The following NINL variants were observed in gnomAD, a reference collection of about 807,000 sequenced individuals.
The protein encoded by NINL is ninein-like protein.
A neutral mutation model predicts 160.3 loss-of-function variants in NINL; 153 were observed. The ratio of observed to expected loss-of-function variants is 0.95; its 90% CI spans 0.84 to 1.09. The LOEUF is 1.09. NINL is among the 50% of genes least tolerant of loss of function. The pLI is 0.00. For missense variants in NINL, 1,829 were observed against 1,764.0 expected (o/e 1.04, Z -0.66); for synonymous variants, 800 against 734.8 (o/e 1.09, Z -1.43).
rs757495782 is a variant in NINL, at chr20:25,476,273, C to T, written c.3018G>A (p.Glu1006=). 5 of 1,613,738 alleles carry T rather than the reference C, an allele frequency of 3.1e-6. No individual in the cohort carries two copies. Among genetic ancestry groups the T allele is most frequent in the Non-Finnish European group, 8.5e-7 (1 of 1,179,960 alleles). The stretch of plus-strand genomic sequence containing the variant: ...CCACACTGTGCTTGTGACACCCAGG[C>T]TCCAGGGCGCCCTCGGCCCGGGCCT... ...EQQARAEGAL[E]PGCHKHSVEV... is the part of the protein sequence containing the mutation. Residue 1006 remains glutamate, a synonymous_variant, in exon 17 of 24, where the codon GAG becomes GAA. Transcript: ENST00000278886.
At chr20:25,559,715 T>C (rs1199927955) in intron 1 of NINL, among the ~76,000 whole-genome samples, 2 of 151,300 alleles carry the variant, frequency 1.3e-5, no homozygotes, top group African/African-American at 2.4e-5. Context: ...ATCCTCCTGA[T>C]GCAGCCTCCG....
At chr20:25,496,153 A>G (rs1328347605) in intron 10 of NINL, among the ~76,000 whole-genome samples, 1 of 152,186 alleles carries the variant, frequency 6.6e-6, no homozygotes, top group Non-Finnish European at 1.5e-5. Context: ...CTCAAAAACA[A>G]AAACAAAAAT....
intron 17 of NINL, among the ~76,000 whole-genome samples, chr20:25,471,189 C>T (rs965614617): frequency 2.6e-5 from 4 of 152,026 alleles, no homozygotes; most frequent in East Asian, 1.9e-4. Flanking sequence ...GATGGGGTCT[C>T]GATAGGTTGC....
rs1568871804 is a variant in NINL at position 25,476,695 on chromosome 20, C to T, written c.2596G>A (p.Gly866Ser). 1 of 1,595,232 alleles carries T rather than the reference C, an allele frequency of 6.3e-7. No individual in the cohort carries two copies. Among genetic ancestry groups the T allele is most frequent in the Non-Finnish European group, 8.5e-7 (1 of 1,175,436 alleles). ...CCTGCCGCCTCCTCAGACTCTCTGC[C>T]ATCACCTGGGGCCAGCCAGGCCAGT... ...RPLAWLAPGD[G>S]RESEEAAGAG... The change falls in exon 17 of 24, where the codon GGC becomes AGC. Residue 866 changes from glycine to serine, a missense_variant. Physicochemically the swap from Gly to Ser is moderately conservative, Grantham distance 56. Transcript: ENST00000278886.
intron 1 of NINL, among the ~76,000 whole-genome samples, chr20:25,572,464 T>C (rs1330988846): frequency 6.6e-6 from 1 of 152,150 alleles, no homozygotes; most frequent in East Asian, 1.9e-4. Flanking sequence ...TCTTGAGTGC[T>C]CATCATGTAC....
In NINL at chr20:25,525,352, A is replaced by G. The variant is rs1386148774; in HGVS notation, c.180+1056T>C. Among the ~76,000 whole-genome samples, 3 of 152,304 alleles carry G rather than the reference A, an allele frequency of 2.0e-5. No individual in the cohort carries two copies. In the East Asian group the frequency reaches 5.8e-4, roughly 29 times the overall value. On this transcript the variant is annotated intron_variant, in intron 2 of 23. Transcript: ENST00000278886. ...TTACTGGCTGGGTTTCTTTTCCCCA[A>G]TTCAAAATAAAAATACTGGCTGGGT...
At chr20:25,473,345 C>T (rs2063150502) in intron 17 of NINL, among the ~76,000 whole-genome samples, 1 of 151,918 alleles carries the variant, frequency 6.6e-6, no homozygotes, top group Admixed American at 6.6e-5. Flanking sequence ...TGGTGGCTCA[C>T]ACCTGTAATT....
Position 25,526,286 on chromosome 20 carries a change from C to T in NINL, c.180+122G>A, listed in dbSNP as rs371447. 8.4e-3 allele frequency: 7,416 copies of T among 879,802 alleles called. 294 individuals are homozygous for T. The African/African-American group carries it at 0.09, about 11-fold the overall frequency. 54.5% of individuals were successfully genotyped at this position (879,802 alleles called of 1,614,324 possible). A position where few individuals can be genotyped will look rare whatever the true frequency, so the allele number is the denominator to read the frequency against. The stretch of plus-strand genomic sequence containing the variant: ...TAGAGGGAAAAACTAGGACACTGTT[C>T]CATTTGCTAATAACTTTCCTTTGAC... On this transcript the variant is annotated intron_variant, in intron 2 of 23. Transcript: ENST00000278886.
At chr20:25,478,196 C>T (rs1209669248) in intron 16 of NINL, among the ~76,000 whole-genome samples, 5 of 152,124 alleles carry the variant, frequency 3.3e-5, no homozygotes, top group African/African-American at 7.2e-5. Context: ...GTGATTTACC[C>T]GCCTTGGCCT....
chr20:25,583,066 G>A (rs1231914287), intron 1 of NINL, among the ~76,000 whole-genome samples: 3 of 152,120 alleles, frequency 2.0e-5, no homozygotes, highest in Non-Finnish European at 2.9e-5. Context: ...CAGGACATAG[G>A]CATGGGCAAA....
chr20:25,543,648 C>T (rs2064696636), intron 1 of NINL, among the ~76,000 whole-genome samples: 1 of 152,228 alleles, frequency 6.6e-6, no homozygotes, highest in Admixed American at 6.5e-5. Context: ...CGCAACCAAT[C>T]AGACTGATTG....
rs138777340 is a variant in NINL at position 25,571,957 on chromosome 20, T to A, written c.-12+13498A>T. Among the ~76,000 whole-genome samples, 15 of 151,798 alleles carry A rather than the reference T, an allele frequency of 9.9e-5. No individual in the cohort carries two copies. The East Asian group carries it at 2.9e-3, about 29-fold the overall frequency. Reference sequence around the variant, plus strand: ...AAGGGAAACACATCACGGTATATATTTTCAACAGCACTGAAGCTAACAGGC... The same window carrying A: ...AAGGGAAACACATCACGGTATATATATTCAACAGCACTGAAGCTAACAGGC... On this transcript the variant is annotated intron_variant, in intron 1 of 23. Transcript: ENST00000278886.
intron 8 of NINL, 100 bp downstream of exon 8, chr20:25,500,740 C>T (rs2063850377): frequency 7.4e-7 from 1 of 1,347,852 alleles, no homozygotes; most frequent in South Asian, 1.4e-5. Flanking sequence ...GCACACACCC[C>T]TGCTGGGTCC....
chr20:25,517,717 A>C, intron 3 of NINL, 36 bp downstream of exon 3: 1 of 1,469,260 alleles, frequency 6.8e-7, no homozygotes, highest in Non-Finnish European at 9.3e-7. Flanking sequence ...TTAACAAACA[A>C]ATAATGAAAA....
intron 1 of NINL, among the ~76,000 whole-genome samples, chr20:25,529,216 T>C (rs2064408534): frequency 6.6e-6 from 1 of 152,074 alleles, no homozygotes; most frequent in Admixed American, 6.6e-5. Context: ...AAGGCTACAG[T>C]GAGCCATGAT....
In NINL at chr20:25,453,357, G is replaced by A. The variant is rs2090578437; in HGVS notation, c.*94C>T. 1.8e-6 allele frequency: 2 copies of A among 1,118,860 alleles called. No homozygotes were observed. Among genetic ancestry groups the A allele is most frequent in the African/African-American group, 1.6e-5 (1 of 64,034 alleles). 69.3% of individuals were successfully genotyped at this position (1,118,860 alleles called of 1,614,324 possible). Reference sequence around the variant, plus strand: ...AGAATCCCAATCCTCAGATGTCCCAGGACTCATGGCTCATGACCCACGGAA... The same window carrying A: ...AGAATCCCAATCCTCAGATGTCCCAAGACTCATGGCTCATGACCCACGGAA... On this transcript the variant is annotated 3_prime_UTR_variant, in exon 24 of 24. Coordinates refer to ENST00000278886, the MANE Select transcript of NINL (RefSeq NM_025176.6).
intron 11 of NINL, among the ~76,000 whole-genome samples, chr20:25,490,321 G>T (rs2063598914): frequency 6.6e-6 from 1 of 152,200 alleles, no homozygotes; most frequent in South Asian, 2.1e-4. Context: ...AGCACTTTGG[G>T]AGGCCGAGGC....
chr20:25,455,263 A>C (rs1266785632), intron 23 of NINL, among the ~76,000 whole-genome samples: 5 of 151,790 alleles, frequency 3.3e-5, no homozygotes, highest in Admixed American at 2.0e-4. Context: ...TTCCACCTCT[A>C]TTCTCTCATT....
chr20:25,537,117 C>G (rs1419764775), intron 1 of NINL, among the ~76,000 whole-genome samples: 2 of 152,122 alleles, frequency 1.3e-5, no homozygotes, highest in African/African-American at 4.8e-5. Flanking sequence ...AACAGGGTCT[C>G]CCTCTTGTTG....
Sources: gnomAD v4.1 joint callset for allele counts (sites outside exome capture counted in the v4.1 genomes callset) on GRCh38, gnomAD v4.1.1 for gene constraint, MANE v1.5 for transcripts, NCBI Gene and HGNC (gene_info 2026-07-23, HGNC 2026-07-21) for gene names.